Variants in TBC1D12 observed in about 807,000 individuals in gnomAD.
TBC1D12 encodes the protein TBC1 domain family member 12.
A neutral mutation model predicts 86.7 loss-of-function variants in TBC1D12; 56 were observed. That is an observed-to-expected ratio of 0.65 (90% CI 0.52 to 0.81). TBC1D12 has a LOEUF of 0.81. TBC1D12 is among the 30% of genes least tolerant of loss of function. The pLI is 0.00. For missense variants in TBC1D12, 1,023 were observed against 1,038.8 expected (o/e 0.98, Z 0.21); for synonymous variants, 421 against 411.7 (o/e 1.02, Z -0.27).
intron 11 of TBC1D12, among the ~76,000 whole-genome samples, chr10:94,528,771 G>A (rs1006619999): frequency 7.3e-5 from 11 of 150,162 alleles, no homozygotes; most frequent in African/African-American, 9.8e-5. Context: ...GCAGTGAGCC[G>A]AGATCCTGCC....
intron 10 of TBC1D12, 28 bp downstream of exon 10, chr10:94,522,111 T>G (rs1173474681): frequency 1.3e-6 from 2 of 1,599,442 alleles, no homozygotes; most frequent in East Asian, 2.2e-5. Context: ...TTTCCATTGT[T>G]TCTGTAGTTT....
chr10:94,524,728 T>TA (rs766662285), intron 11 of TBC1D12, among the ~76,000 whole-genome samples: 2,104 of 130,782 alleles, frequency 0.016, 20 homozygotes, highest in African/African-American at 0.018. Context: ...GAGACTCCAT[T>TA]AAAAAAAAAA....
rs71031584 is a variant in TBC1D12, at chr10:94,530,854, C to CTTTTT, written c.2001-330_2001-326dup. ...ACTACTCAAGTTTGAGGGAGGAAGC[C>CTTTTT]TTTTTTTTTTTTTTTTTTTTTTCTG... On this transcript the variant is annotated intron_variant, in intron 11 of 12. Coordinates refer to ENST00000225235, the MANE Select transcript of TBC1D12 (RefSeq NM_015188.2). 7.8e-5 allele frequency among the ~76,000 whole-genome samples: 8 copies of CTTTTT among 102,660 alleles called. 1 individual carries two copies. Among genetic ancestry groups the CTTTTT allele is most frequent in the Admixed American group, 1.1e-4 (1 of 9,380 alleles). The allele number at this position is 102,660 out of a possible 152,430, so 67.3% of individuals were successfully genotyped here. A position where few individuals can be genotyped will look rare whatever the true frequency, so the allele number is the denominator to read the frequency against.
intron 11 of TBC1D12, among the ~76,000 whole-genome samples, chr10:94,529,649 C>A (rs1420346168): frequency 6.6e-6 from 1 of 152,050 alleles, no homozygotes; most frequent in Non-Finnish European, 1.5e-5. Flanking sequence ...GTATTCTCTT[C>A]CCGTCCCCCA....
At chr10:94,445,425 A>G (rs1048754900) in intron 2 of TBC1D12, among the ~76,000 whole-genome samples, 4 of 152,150 alleles carry the variant, frequency 2.6e-5, no homozygotes, top group African/African-American at 9.7e-5. Flanking sequence ...TTTTCATTTG[A>G]GAAGAAGGGG....
intron 1 of TBC1D12, among the ~76,000 whole-genome samples, chr10:94,430,379 C>T (rs1173193877): frequency 6.6e-6 from 1 of 152,188 alleles, no homozygotes; most frequent in East Asian, 1.9e-4. Flanking sequence ...TCAAATTCCA[C>T]AGTTTGAGAA....
intron 9 of TBC1D12, among the ~76,000 whole-genome samples, chr10:94,514,353 CCT>C (rs1394375683): frequency 5.9e-5 from 9 of 151,962 alleles, no homozygotes; most frequent in Non-Finnish European, 1.2e-4. Context: ...AGAGTGAGAC[CCT>C]GTCTCAAAAA....
intron 6 of TBC1D12, among the ~76,000 whole-genome samples, chr10:94,502,264 G>A (rs907458040): frequency 4.6e-5 from 7 of 152,058 alleles, no homozygotes; most frequent in South Asian, 2.1e-4. Context: ...CCCAGGAGGC[G>A]AAGGTTGCAG....
chr10:94,455,071 G>A (rs2055607923), intron 2 of TBC1D12, among the ~76,000 whole-genome samples: 1 of 152,116 alleles, frequency 6.6e-6, no homozygotes, highest in African/African-American at 2.4e-5. Context: ...CTAGTTTACT[G>A]AGAGGTTTTC....
At chr10:94,445,021 C>T (rs565317026) in intron 2 of TBC1D12, among the ~76,000 whole-genome samples, 2 of 146,096 alleles carry the variant, frequency 1.4e-5, no homozygotes, top group South Asian at 2.2e-4. Flanking sequence ...CGTGAGCCAC[C>T]GCGCCCGGCC....
intron 2 of TBC1D12, among the ~76,000 whole-genome samples, chr10:94,462,211 G>T (rs1031592277): frequency 6.6e-6 from 1 of 152,148 alleles, no homozygotes; most frequent in East Asian, 1.9e-4. Flanking sequence ...TAGAATTGGT[G>T]TTATTTCTTC....
At chr10:94,470,943 T>G (rs2134139408) in intron 2 of TBC1D12, among the ~76,000 whole-genome samples, 1 of 152,152 alleles carries the variant, frequency 6.6e-6, no homozygotes, top group Admixed American at 6.5e-5. Context: ...AGAATACAAC[T>G]TCTTATGTGA....
chr10:94,413,901 G>GAACTGTAATGTACAAC (rs1460438730), intron 1 of TBC1D12, among the ~76,000 whole-genome samples: 1 of 151,996 alleles, frequency 6.6e-6, no homozygotes, highest in African/African-American at 2.4e-5. Context: ...ATTTTCCCAA[G>GAACTGTAATGTACAAC]TACTGTAATG....
intron 11 of TBC1D12, among the ~76,000 whole-genome samples, chr10:94,528,459 C>G (rs1333027511): frequency 6.6e-6 from 1 of 151,916 alleles, no homozygotes; most frequent in African/African-American, 2.4e-5. Flanking sequence ...GAAGCAATAC[C>G]CAGTAGATTA....
At chr10:94,517,430 C>T (rs542507485) in intron 9 of TBC1D12, among the ~76,000 whole-genome samples, 26 of 152,234 alleles carry the variant, frequency 1.7e-4, no homozygotes, top group African/African-American at 6.0e-4. Flanking sequence ...ACCTGGTATA[C>T]TGAGAAAAAT....
At position 94,403,233 on chromosome 10, in the gene TBC1D12, C is replaced by G. The variant is rs2054795818; in HGVS notation, c.620C>G (p.Ala207Gly). ...DPLRSCCLVA[A>G]DAQEPEGAGS... is the part of the protein sequence containing the mutation. ...CTGCGGAGCTGCTGCCTGGTGGCCG[C>G]GGACGCCCAGGAGCCCGAGGGCGCG... Residue 207 changes from alanine (A) to glycine (G), a missense_variant, in exon 1 of 13, where the codon GCG becomes GGG. By Grantham distance (60) the Ala-to-Gly change is moderately conservative. Transcript: ENST00000225235. The G allele has an allele frequency of 2.0e-6, 3 of 1,506,884 alleles. No homozygotes were observed. Among genetic ancestry groups the G allele is most frequent in the African/African-American group, 2.9e-5 (2 of 68,544 alleles). The allele number at this position is 1,506,884 out of a possible 1,614,324, so 93.3% of individuals were successfully genotyped here. A position where few individuals can be genotyped will look rare whatever the true frequency, so the allele number is the denominator to read the frequency against.
chr10:94,461,047 A>G (rs2055720103), intron 2 of TBC1D12, among the ~76,000 whole-genome samples: 1 of 152,020 alleles, frequency 6.6e-6, no homozygotes, highest in South Asian at 2.1e-4. Flanking sequence ...GATAATTCCA[A>G]CATTCCTATC....
At position 94,522,461 on chromosome 10, in the gene TBC1D12, A is replaced by G. The variant is rs771203197; in HGVS notation, c.2000+8A>G. The G allele has an allele frequency of 8.5e-6, 9 of 1,063,686 alleles. No homozygotes were observed. In the East Asian group the frequency reaches 2.2e-4, roughly 26 times the overall value. 65.9% of individuals were successfully genotyped at this position (1,063,686 alleles called of 1,614,324 possible). On this transcript the variant is annotated splice_region_variant and intron_variant, in intron 11 of 12. Coordinates refer to ENST00000225235, the MANE Select transcript of TBC1D12 (RefSeq NM_015188.2). ...TATATACTTGATAGACTGGTAAGTC[A>G]TAACATACGTAATATATAATAATGA...
intron 8 of TBC1D12, 102 bp downstream of exon 8, chr10:94,510,281 A>G: frequency 2.7e-6 from 2 of 737,782 alleles, no homozygotes; most frequent in South Asian, 4.6e-5. Context: ...AAAAGGCAAA[A>G]CTATAGAAAT....
Sources: allele counts gnomAD v4.1 joint callset (sites outside exome capture counted in the v4.1 genomes callset), GRCh38; gene constraint gnomAD v4.1.1; transcripts MANE v1.5; gene names NCBI Gene and HGNC (gene_info 2026-07-23, HGNC 2026-07-21).